Variants in LRMDA observed in about 807,000 individuals in gnomAD.
The protein encoded by LRMDA is leucine rich melanocyte differentiation associated.
Under a neutral mutation model 29.8 loss-of-function variants are expected in LRMDA, and 18 were observed. That is an observed-to-expected ratio of 0.60 (90% CI 0.42 to 0.90). LRMDA has a LOEUF of 0.90. Ranked by LOEUF, LRMDA falls within the 40% of genes least tolerant of loss-of-function variation. LRMDA has a pLI of 0.00. For missense variants in LRMDA, 273 were observed against 273.9 expected, an observed-to-expected ratio of 1.00 and a Z score of 0.02; for synonymous variants, 125 against 109.4, an observed-to-expected ratio of 1.14 and a Z score of -0.89.
chr10:75,989,960 G>T lies in LRMDA; in HGVS notation c.132-46048G>T, dbSNP rs146589493. Among the ~76,000 whole-genome samples, 337 of 152,250 alleles carry T rather than the reference G, an allele frequency of 2.2e-3. 5 individuals carry two copies. Among genetic ancestry groups the T allele is most frequent in the Non-Finnish European group, 4.6e-4 (31 of 68,020 alleles). On this transcript the variant is annotated intron_variant, in intron 2 of 6. Transcript: ENST00000611255. ...CCCCCCCGCTCCTGAGACCCCACAG[G>T]CTCCTCCCAGACAGGCCGGCCTCCT...
At chr10:75,564,920 T>C (rs1589187073) in intron 2 of LRMDA, among the ~76,000 whole-genome samples, 2 of 152,336 alleles carry the variant, frequency 1.3e-5, no homozygotes, top group East Asian at 3.9e-4. Context: ...TACATAAATG[T>C]CAGGAAAAAT....
intron 6 of LRMDA, among the ~76,000 whole-genome samples, chr10:76,338,855 C>T (rs969648577): frequency 3.9e-5 from 6 of 152,130 alleles, no homozygotes; most frequent in Admixed American, 1.3e-4. Context: ...CAAAATAAGA[C>T]TCAAGATGAT....
At chr10:75,522,615 C>T (rs577804351) in intron 2 of LRMDA, among the ~76,000 whole-genome samples, 128 of 152,266 alleles carry the variant, frequency 8.4e-4, no homozygotes, top group Non-Finnish European at 1.5e-3. Context: ...GTCACCCATC[C>T]GTGAGTGGTA....
At chr10:76,309,515 G>A (rs1168610369) in intron 5 of LRMDA, among the ~76,000 whole-genome samples, 1 of 152,148 alleles carries the variant, frequency 6.6e-6, no homozygotes, top group Non-Finnish European at 1.5e-5. Context: ...AAGGCATTTA[G>A]GATATTAAAG....
chr10:75,519,166 G>C (rs74692043), intron 2 of LRMDA, among the ~76,000 whole-genome samples: 1 of 152,184 alleles, frequency 6.6e-6, no homozygotes, highest in African/African-American at 2.4e-5. Flanking sequence ...GTGCTGAGAA[G>C]AGTGTATATT....
At chr10:76,399,454 C>T (rs992059191) in intron 6 of LRMDA, among the ~76,000 whole-genome samples, 2 of 152,210 alleles carry the variant, frequency 1.3e-5, no homozygotes, top group East Asian at 3.9e-4. Flanking sequence ...CATCCTCATT[C>T]CAAGCTATAA....
intron 6 of LRMDA, among the ~76,000 whole-genome samples, chr10:76,529,966 A>C (rs905373681): frequency 7.2e-5 from 11 of 152,120 alleles, no homozygotes; most frequent in African/African-American, 2.7e-4. Flanking sequence ...TTTGAGGCCA[A>C]GCATAAGGGC....
chr10:75,999,854 A>G (rs188780104), intron 2 of LRMDA, among the ~76,000 whole-genome samples: 24 of 152,346 alleles, frequency 1.6e-4, no homozygotes, highest in African/African-American at 5.3e-4. Flanking sequence ...TTTCTATTGT[A>G]TGCGGGAGTA....
At chr10:75,988,313 T>C (rs1330507969) in intron 2 of LRMDA, among the ~76,000 whole-genome samples, 1 of 152,154 alleles carries the variant, frequency 6.6e-6, no homozygotes, top group Non-Finnish European at 1.5e-5. Context: ...CCACCACCCT[T>C]CTTCCTCCCT....
At chr10:75,454,685 C>G (rs959905079) in intron 2 of LRMDA, among the ~76,000 whole-genome samples, 1 of 152,224 alleles carries the variant, frequency 6.6e-6, no homozygotes, top group African/African-American at 2.4e-5. Context: ...CTGGTTGGCT[C>G]ACGTGAATTC....
At chr10:75,617,365 A>AC (rs1391621793) in intron 2 of LRMDA, among the ~76,000 whole-genome samples, 2 of 152,178 alleles carry the variant, frequency 1.3e-5, no homozygotes, top group Admixed American at 1.3e-4. Context: ...GGTTGGGAGT[A>AC]CATGGTGGCA....
intron 6 of LRMDA, among the ~76,000 whole-genome samples, chr10:76,489,762 C>T (rs867151644): frequency 6.6e-6 from 1 of 151,806 alleles, no homozygotes; most frequent in African/African-American, 2.4e-5. Context: ...GTGATAGGTA[C>T]ACCAAAATCT....
intron 2 of LRMDA, among the ~76,000 whole-genome samples, chr10:75,931,629 C>T (rs1846206774): frequency 1.3e-5 from 2 of 152,172 alleles, no homozygotes; most frequent in African/African-American, 4.8e-5. Flanking sequence ...TGTATTATTT[C>T]CTTCCTCTAA....
chr10:76,255,464 T>C (rs181228952), intron 5 of LRMDA, among the ~76,000 whole-genome samples: 2 of 152,302 alleles, frequency 1.3e-5, no homozygotes, highest in African/African-American at 4.8e-5. Flanking sequence ...CTGTTACCCA[T>C]CTCAACCTTG....
chr10:75,559,681 C>A (rs1840265641), intron 2 of LRMDA, among the ~76,000 whole-genome samples: 1 of 150,176 alleles, frequency 6.7e-6, no homozygotes, highest in Admixed American at 6.8e-5. Context: ...ATGTTTAAGT[C>A]TTTAATCCAT....
At chr10:76,167,694 C>T (rs573253943) in intron 5 of LRMDA, among the ~76,000 whole-genome samples, 2 of 152,244 alleles carry the variant, frequency 1.3e-5, no homozygotes, top group South Asian at 4.2e-4. Flanking sequence ...TATGATGCCT[C>T]CAGCTTTGTT....
At chr10:76,324,009 A>G (rs1840803616) in intron 5 of LRMDA, among the ~76,000 whole-genome samples, 1 of 152,186 alleles carries the variant, frequency 6.6e-6, no homozygotes, top group Non-Finnish European at 1.5e-5. Flanking sequence ...GGCAGAGCTT[A>G]ACCTCTTCAC....
intron 2 of LRMDA, among the ~76,000 whole-genome samples, chr10:75,539,030 A>T (rs1302869315): frequency 6.6e-6 from 1 of 152,242 alleles, no homozygotes; most frequent in African/African-American, 2.4e-5. Context: ...ATTTCCTGGC[A>T]GAATGGAATT....
At position 76,286,114 on chromosome 10, in the gene LRMDA, G is replaced by A. The variant is rs541696491; in HGVS notation, c.517-38287G>A. Among the ~76,000 whole-genome samples the A allele has an allele frequency of 5.9e-5, 9 of 152,192 alleles. No individual in the cohort carries two copies. The South Asian group carries it at 1.5e-3, about 25-fold the overall frequency. On this transcript the variant is annotated intron_variant, in intron 5 of 6. Coordinates refer to ENST00000611255, the MANE Select transcript of LRMDA (RefSeq NM_001305581.2). ...CTTTCTGGCCCTCATTCAAAGAGTC[G>A]CTGTAGCATACATTTTCTGATGCCA...
Sources: gnomAD v4.1 joint callset for allele counts (sites outside exome capture counted in the v4.1 genomes callset) on GRCh38, gnomAD v4.1.1 for gene constraint, MANE v1.5 for transcripts, NCBI Gene and HGNC (gene_info 2026-07-23, HGNC 2026-07-21) for gene names.